FSTL5: variants seen among roughly 807,000 people sequenced by gnomAD.
FSTL5 encodes the protein follistatin-related protein 5.
Under a neutral mutation model 89.1 loss-of-function variants are expected in FSTL5, and 62 were observed. The ratio of observed to expected loss-of-function variants is 0.70; its 90% CI spans 0.57 to 0.86. The LOEUF is 0.86. Among genes scored for constraint, FSTL5 ranks in the 40% least tolerant of loss-of-function variants. The probability of loss-of-function intolerance (pLI) is 0.00; values close to 1 mark genes in which losing one functional copy is unlikely to be tolerated. For synonymous variants in FSTL5, 383 were observed against 346.2 expected, an observed-to-expected ratio of 1.11 and a Z score of -1.18; for missense variants, 1,057 against 1,001.6, an observed-to-expected ratio of 1.06 and a Z score of -0.75.
intron 8 of FSTL5, among the ~76,000 whole-genome samples, chr4:161,560,811 A>C (rs527676017): frequency 6.6e-6 from 1 of 151,980 alleles, no homozygotes; most frequent in South Asian, 2.1e-4. Flanking sequence ...CTTCTAGAAT[A>C]CCTACTGAAC....
At chr4:161,856,042 T>C (rs764854025) in intron 4 of FSTL5, among the ~76,000 whole-genome samples, 1 of 152,126 alleles carries the variant, frequency 6.6e-6, no homozygotes, top group Non-Finnish European at 1.5e-5. Context: ...CAGGAGCTTA[T>C]AGTCTTATAG....
At chr4:161,649,298 T>C (rs988412360) in intron 7 of FSTL5, among the ~76,000 whole-genome samples, 2 of 152,226 alleles carry the variant, frequency 1.3e-5, no homozygotes, top group South Asian at 2.1e-4. Flanking sequence ...GAAACTGATG[T>C]TTATACTTCT....
intron 13 of FSTL5, among the ~76,000 whole-genome samples, chr4:161,473,079 C>T (rs185975322): frequency 3.9e-5 from 6 of 152,190 alleles, no homozygotes; most frequent in Non-Finnish European, 7.4e-5. Context: ...TATCATTTAT[C>T]CTGGAAAATG....
chr4:161,739,110 CAT>C (rs1387579978), intron 6 of FSTL5, among the ~76,000 whole-genome samples: 1 of 152,140 alleles, frequency 6.6e-6, no homozygotes, highest in Non-Finnish European at 1.5e-5. Context: ...TCCCCAAATT[CAT>C]ATGTTGAAAT....
chr4:161,480,819 A>C (rs567317691), intron 13 of FSTL5, among the ~76,000 whole-genome samples: 1 of 151,444 alleles, frequency 6.6e-6, no homozygotes, highest in East Asian at 2.0e-4. Flanking sequence ...TTTTGAAAAC[A>C]AAAAAATTAA....
intron 10 of FSTL5, among the ~76,000 whole-genome samples, chr4:161,527,122 C>T (rs1209731329): frequency 6.6e-6 from 1 of 152,118 alleles, no homozygotes; most frequent in Non-Finnish European, 1.5e-5. Context: ...TTTCATTGAG[C>T]AGTGGTTTGT....
intron 6 of FSTL5, among the ~76,000 whole-genome samples, chr4:161,758,286 A>C (rs1380600316): frequency 1.3e-5 from 2 of 152,156 alleles, no homozygotes; most frequent in African/African-American, 4.8e-5. Flanking sequence ...ATAATTCAAA[A>C]AAGACCTTTT....
chr4:161,418,127 T>C (rs2126306334), intron 15 of FSTL5, among the ~76,000 whole-genome samples: 1 of 152,240 alleles, frequency 6.6e-6, no homozygotes, highest in Non-Finnish European at 1.5e-5. Flanking sequence ...GTACATTAAG[T>C]TCATTGGTGT....
At chr4:162,132,468 G>A (rs1417864473) in intron 1 of FSTL5, among the ~76,000 whole-genome samples, 1 of 151,956 alleles carries the variant, frequency 6.6e-6, no homozygotes, top group Non-Finnish European at 1.5e-5. Flanking sequence ...CGAACACATC[G>A]GAACATCAGA....
intron 10 of FSTL5, among the ~76,000 whole-genome samples, chr4:161,512,885 C>T (rs62324301): frequency 0.19 from 29,367 of 151,784 alleles, 3,055 homozygotes; most frequent in East Asian, 0.37. Context: ...AAAGTTTTAA[C>T]AATACAATTA....
chr4:161,658,977 C>T (rs112730918), intron 6 of FSTL5, among the ~76,000 whole-genome samples: 244 of 152,174 alleles, frequency 1.6e-3, no homozygotes, highest in African/African-American at 5.7e-3. Context: ...GGTCCCAGGC[C>T]ATTTGAATTA....
chr4:161,646,532 T>C (rs948906099), intron 7 of FSTL5, among the ~76,000 whole-genome samples: 1 of 152,016 alleles, frequency 6.6e-6, no homozygotes, highest in African/African-American at 2.4e-5. Flanking sequence ...TCCAGACATA[T>C]TATGAAAATT....
intron 6 of FSTL5, among the ~76,000 whole-genome samples, chr4:161,757,763 C>T (rs1740628954): frequency 6.6e-6 from 1 of 151,978 alleles, no homozygotes; most frequent in South Asian, 2.1e-4. Flanking sequence ...GGATTACAGG[C>T]GCCTGCCACC....
At chr4:162,099,294 C>T (rs548028639) in intron 2 of FSTL5, among the ~76,000 whole-genome samples, 58 of 151,894 alleles carry the variant, frequency 3.8e-4, no homozygotes, top group Middle Eastern at 3.4e-3. Context: ...ATAAAATGTC[C>T]AATTATTGCA....
intron 2 of FSTL5, among the ~76,000 whole-genome samples, chr4:162,079,953 C>T (rs1217819415): frequency 6.6e-6 from 1 of 151,356 alleles, no homozygotes; most frequent in African/African-American, 2.4e-5. Flanking sequence ...CAAGCCAAAG[C>T]TAATGTTAGT....
At chr4:161,685,127 A>G (rs1254718469) in intron 6 of FSTL5, among the ~76,000 whole-genome samples, 5 of 152,162 alleles carry the variant, frequency 3.3e-5, no homozygotes, top group Admixed American at 2.6e-4. Flanking sequence ...TTATACCAGT[A>G]ACATGCTGCT....
At chr4:161,510,357 A>G in intron 11 of FSTL5, 41 bp downstream of exon 11, 1 of 1,320,656 alleles carries the variant, frequency 7.6e-7, no homozygotes, top group African/African-American at 1.5e-5. Flanking sequence ...AATAATAATC[A>G]AGCAAAATTG....
chr4:161,934,003 C>T (rs1272894098), intron 3 of FSTL5, among the ~76,000 whole-genome samples: 1 of 152,104 alleles, frequency 6.6e-6, no homozygotes, highest in African/African-American at 2.4e-5. Context: ...TACCATTTTT[C>T]TATACTGACC....
intron 6 of FSTL5, among the ~76,000 whole-genome samples, chr4:161,679,994 C>T (rs2126707481): frequency 6.6e-6 from 1 of 151,842 alleles, no homozygotes; most frequent in African/African-American, 2.4e-5. Context: ...CAATATTAAA[C>T]ATTTGCACTT....
Sources: allele counts gnomAD v4.1 joint callset (sites outside exome capture counted in the v4.1 genomes callset), GRCh38; gene constraint gnomAD v4.1.1; transcripts MANE v1.5; gene names NCBI Gene and HGNC (gene_info 2026-07-23, HGNC 2026-07-21).